The following ALK variants were observed in gnomAD, a reference collection of about 807,000 sequenced individuals.
ALK encodes ALK tyrosine kinase receptor.
ALK carries 74 observed loss-of-function variants against 163.1 expected under a neutral mutation model. The ratio of observed to expected loss-of-function variants is 0.45; its 90% CI spans 0.38 to 0.55. ALK has a LOEUF of 0.55. Among genes scored for constraint, ALK ranks in the 20% least tolerant of loss-of-function variants. The pLI is 0.00. For missense variants in ALK, 2,063 were observed against 2,105.3 expected, an observed-to-expected ratio of 0.98 and a Z score of 0.39; for synonymous variants, 960 against 843.2, an observed-to-expected ratio of 1.14 and a Z score of -2.40.
chr2:29,641,735 T>C (rs1416103813), intron 3 of ALK, among the ~76,000 whole-genome samples: 1 of 152,164 alleles, frequency 6.6e-6, no homozygotes, highest in African/African-American at 2.4e-5. Context: ...AGAAATAAAT[T>C]ATATAGATGA....
At chr2:29,370,761 GCC>G in intron 5 of ALK, among the ~76,000 whole-genome samples, 1 of 152,270 alleles carries the variant, frequency 6.6e-6, no homozygotes, top group East Asian at 1.9e-4. Context: ...CAGAGCCCGT[GCC>G]CACCTTCTGG....
chr2:29,708,983 G>C (rs545355898), intron 2 of ALK, among the ~76,000 whole-genome samples: 1 of 152,108 alleles, frequency 6.6e-6, no homozygotes, highest in Non-Finnish European at 1.5e-5. Context: ...GGTTGCTCTC[G>C]ACAAAACATT....
At chr2:29,560,155 T>C (rs4280415) in intron 3 of ALK, among the ~76,000 whole-genome samples, 65,153 of 152,086 alleles carry the variant, frequency 0.43, 14,184 homozygotes, top group East Asian at 0.54. Context: ...TGACTGTCCA[T>C]AGCAGCTTTA....
chr2:29,783,204 A>G (rs1663889530), intron 1 of ALK, among the ~76,000 whole-genome samples: 1 of 152,102 alleles, frequency 6.6e-6, no homozygotes, highest in Admixed American at 6.5e-5. Flanking sequence ...CCCCTTTGTG[A>G]TGGATCATAT....
chr2:29,462,610 C>T (rs1469097618), intron 4 of ALK, among the ~76,000 whole-genome samples: 1 of 152,180 alleles, frequency 6.6e-6, no homozygotes, highest in Non-Finnish European at 1.5e-5. Flanking sequence ...CTATTGCACA[C>T]TTAGTAAACA....
chr2:29,479,708 C>T (rs1407905491), intron 4 of ALK, among the ~76,000 whole-genome samples: 1 of 152,184 alleles, frequency 6.6e-6, no homozygotes, highest in African/African-American at 2.4e-5. Context: ...CACAGGGGGA[C>T]ATGGGGCAGC....
At chr2:29,315,521 GTCACAATT>G (rs1666808684) in intron 8 of ALK, among the ~76,000 whole-genome samples, 1 of 152,172 alleles carries the variant, frequency 6.6e-6, no homozygotes, top group South Asian at 2.1e-4. Flanking sequence ...ATGAATTTCA[GTCACAATT>G]GGCAAGCACA....
Position 29,672,603 on chromosome 2 carries a change from T to C in ALK, c.952+22247A>G, listed in dbSNP as rs1677737654. 4.0e-5 allele frequency among the ~76,000 whole-genome samples: 6 copies of C among 151,854 alleles called. 1 individual carries two copies. In the South Asian group the frequency reaches 1.3e-3, roughly 32 times the overall value. On this transcript the variant is annotated intron_variant, in intron 3 of 28. Transcript: ENST00000389048. ...GTTGGACATTTGGCTTGGTTCCAAG[T>C]CTTTGCTATTGTGAATAGTGCCACA...
intron 4 of ALK, 47 bp from the exon 5 acceptor site, chr2:29,383,906 T>C (rs917364545): frequency 1.2e-6 from 2 of 1,612,692 alleles, no homozygotes; most frequent in Admixed American, 1.7e-5. Context: ...GAAACAGATA[T>C]GAGAATTAGG....
intron 26 of ALK, among the ~76,000 whole-genome samples, chr2:29,201,204 G>C (rs1050080898): frequency 2.0e-5 from 3 of 151,992 alleles, no homozygotes; most frequent in African/African-American, 7.2e-5. Flanking sequence ...TGGATTCCAA[G>C]ATCTCATACA....
At chr2:29,842,500 C>T (rs1665726829) in intron 1 of ALK, among the ~76,000 whole-genome samples, 1 of 152,224 alleles carries the variant, frequency 6.6e-6, no homozygotes. Flanking sequence ...AATGAACTTT[C>T]TCACCAACTA....
At chr2:29,318,480 G>A in intron 7 of ALK, 76 bp from the exon 8 acceptor site, 1 of 1,023,764 alleles carries the variant, frequency 9.8e-7, no homozygotes. Flanking sequence ...TTAATGGACT[G>A]TGCACAGTTC....
intron 2 of ALK, among the ~76,000 whole-genome samples, chr2:29,711,917 TTGTGTCA>T (rs1468839987): frequency 6.6e-6 from 1 of 152,216 alleles, no homozygotes; most frequent in African/African-American, 2.4e-5. Flanking sequence ...TTTCTCACCT[TTGTGTCA>T]CATGGTCATT....
At chr2:29,669,423 C>G (rs4610005) in intron 3 of ALK, among the ~76,000 whole-genome samples, 4,879 of 151,894 alleles carry the variant, frequency 0.032, 284 homozygotes, top group African/African-American at 0.11. Context: ...TGCTCCTGTC[C>G]TTTTTTGGAT....
At chr2:29,822,919 T>C (rs1350561141) in intron 1 of ALK, among the ~76,000 whole-genome samples, 1 of 152,208 alleles carries the variant, frequency 6.6e-6, no homozygotes, top group Non-Finnish European at 1.5e-5. Flanking sequence ...TGATTCTACA[T>C]GGAGGGAGAT....
In ALK at chr2:29,506,518, G is replaced by A. The variant is rs113051104; in HGVS notation, c.1154+25397C>T. Among the ~76,000 whole-genome samples the A allele has an allele frequency of 2.7e-3, 415 of 152,184 alleles. 1 individual carries two copies. The highest frequency in any genetic ancestry group is 9.6e-3 in the African/African-American group (398 of 41,494). Reference sequence around the variant, plus strand: ...TCCCAGCACTTTGGGAGGCCGAGGCGGGTGGATCATGAGGTCGGGAGATTG... The same window carrying A: ...TCCCAGCACTTTGGGAGGCCGAGGCAGGTGGATCATGAGGTCGGGAGATTG... On this transcript the variant is annotated intron_variant, in intron 4 of 28. Coordinates refer to ENST00000389048, the MANE Select transcript of ALK (RefSeq NM_004304.5).
At position 29,778,811 on chromosome 2, in the gene ALK, C is replaced by G. The variant is rs191719255; in HGVS notation, c.668-61114G>C. Reference sequence around the variant, plus strand: ...TATTACAATGTCTGTGCCTGCTGAACCCCCCGTGCGTCCTGCCACGGGTTT... The same window carrying G: ...TATTACAATGTCTGTGCCTGCTGAAGCCCCCGTGCGTCCTGCCACGGGTTT... On this transcript the variant is annotated intron_variant, in intron 1 of 28. Transcript: ENST00000389048. Among the ~76,000 whole-genome samples, 47 of 152,194 alleles carry G rather than the reference C, an allele frequency of 3.1e-4. 1 individual carries two copies. Among genetic ancestry groups the G allele is most frequent in the African/African-American group, 1.0e-3 (43 of 41,534 alleles).
intron 3 of ALK, among the ~76,000 whole-genome samples, chr2:29,540,984 T>TA (rs911436441): frequency 7.3e-4 from 111 of 151,498 alleles, no homozygotes; most frequent in South Asian, 1.9e-3. Flanking sequence ...TCAGAGACTC[T>TA]AAAAAAAAAG....
intron 8 of ALK, among the ~76,000 whole-genome samples, chr2:29,298,882 C>A (rs1558659247): frequency 6.6e-6 from 1 of 152,128 alleles, no homozygotes. Context: ...TTACTGCCCT[C>A]CTTTCCCTCC....
Sources: gnomAD v4.1 joint callset for allele counts (sites outside exome capture counted in the v4.1 genomes callset) on GRCh38, gnomAD v4.1.1 for gene constraint, MANE v1.5 for transcripts, NCBI Gene and HGNC (gene_info 2026-07-23, HGNC 2026-07-21) for gene names.